MTFR1: variants seen among roughly 807,000 people sequenced by gnomAD.
The protein encoded by MTFR1 is chondrocyte protein with a poly-proline region.
MTFR1 carries 28 observed loss-of-function variants against 38.8 expected under a neutral mutation model. That is an observed-to-expected ratio of 0.72 (90% CI 0.53 to 0.99). MTFR1 has a LOEUF of 0.99. MTFR1 is among the 50% of genes least tolerant of loss of function. MTFR1 has a pLI of 0.00. For missense variants in MTFR1, 358 were observed against 395.5 expected, an observed-to-expected ratio of 0.91 and a Z score of 0.81; for synonymous variants, 145 against 137.0, an observed-to-expected ratio of 1.06 and a Z score of -0.41.
At chr8:65,644,241 T>A (rs1808887439), upstream of MTFR1, among the ~76,000 whole-genome samples, 1 of 152,132 alleles carries the variant, frequency 6.6e-6, no homozygotes, top group Non-Finnish European at 1.5e-5. Flanking sequence ...GTAAAATACT[T>A]ATCCATGAGG....
chr8:65,726,760 A>G (rs903877431), intron 3 of MTFR1: 29 of 578,052 alleles, frequency 5.0e-5, no homozygotes, highest in Non-Finnish European at 8.2e-5. Context: ...AATTTGACAA[A>G]CACTGAAAAC....
At chr8:65,763,764 G>A (rs538066084) in intron 3 of MTFR1, among the ~76,000 whole-genome samples, 29 of 152,158 alleles carry the variant, frequency 1.9e-4, no homozygotes, top group Admixed American at 5.2e-4. Context: ...AGTACACAAA[G>A]TCTTAATGCA....
chr8:65,717,078 T>TA (rs1806171249), intron 2 of MTFR1, among the ~76,000 whole-genome samples: 2 of 152,262 alleles, frequency 1.3e-5, no homozygotes, highest in Non-Finnish European at 2.9e-5. Context: ...TTTAAAGTGA[T>TA]ACAATATTTT....
chr8:65,726,755 G>A (rs753050448), intron 3 of MTFR1: 3 of 558,956 alleles, frequency 5.4e-6, no homozygotes, highest in Non-Finnish European at 9.7e-6. Flanking sequence ...TATTAAATTT[G>A]ACAAACACTG....
intron 3 of MTFR1, among the ~76,000 whole-genome samples, chr8:65,743,282 A>G (rs572679001): frequency 6.6e-6 from 1 of 152,266 alleles, no homozygotes; most frequent in Non-Finnish European, 1.5e-5. Flanking sequence ...ATATTTCACT[A>G]CCTGTATTTT....
At chr8:65,765,467 C>A (rs1359588072) in intron 3 of MTFR1, 1 of 104,030 alleles carries the variant, frequency 9.6e-6, no homozygotes, top group Admixed American at 1.6e-4. Flanking sequence ...CCAGCCTGGG[C>A]GACAGAGCGA....
chr8:65,655,959 TATATATATACC>T (rs200192830), intron 1 of MTFR1, among the ~76,000 whole-genome samples: 16,788 of 54,452 alleles, frequency 0.31, 2,592 homozygotes, highest in African/African-American at 0.39. Flanking sequence ...AAAATATATA[TATATATATACC>T]ATATATATAT....
intron 3 of MTFR1, among the ~76,000 whole-genome samples, chr8:65,755,301 A>G (rs567526710): frequency 6.6e-6 from 1 of 152,228 alleles, no homozygotes; most frequent in Admixed American, 6.5e-5. Context: ...GATTACAGGC[A>G]TGAGCCATCA....
chr8:65,693,594 C>A, intron 3 of MTFR1, 50 bp from the exon 4 acceptor site: 1 of 1,524,784 alleles, frequency 6.6e-7, no homozygotes, highest in Non-Finnish European at 9.1e-7. Context: ...AAAAATTTAA[C>A]ATTTTGGTGC....
At chr8:65,744,208 T>TACAAA (rs140231902) in intron 3 of MTFR1, among the ~76,000 whole-genome samples, 333 of 151,598 alleles carry the variant, frequency 2.2e-3, no homozygotes, top group African/African-American at 4.6e-3. Flanking sequence ...TTAGTTGTGT[T>TACAAA]ACAAAACAAA....
rs534821740 is a variant in MTFR1, at chr8:65,665,989, T to C, written c.-80-3884T>C. ...TAACTTGTTAATACTTACCATTTAG[T>C]AGGTAGCACAACAAGGGTACAAACT... On this transcript the variant is annotated intron_variant, in intron 1 of 7. Transcript: ENST00000262146. 1.5e-3 allele frequency among the ~76,000 whole-genome samples: 222 copies of C among 152,336 alleles called. 8 individuals are homozygous for C. The South Asian group carries it at 0.045, about 31-fold the overall frequency.
At chr8:65,754,920 G>A (rs1411776627) in intron 3 of MTFR1, among the ~76,000 whole-genome samples, 2 of 150,410 alleles carry the variant, frequency 1.3e-5, no homozygotes, top group South Asian at 2.1e-4. Context: ...AGCCGAGATC[G>A]CGCCACTGCA....
rs1255027975 is a variant in MTFR1, at chr8:65,655,949, A to T, written c.-81+11165A>T. 8.1e-3 allele frequency among the ~76,000 whole-genome samples: 128 copies of T among 15,712 alleles called. 2 individuals are homozygous for T. The highest frequency in any genetic ancestry group is 0.027 in the African/African-American group (39 of 1,434). 10.3% of individuals were successfully genotyped at this position (15,712 alleles called of 152,430 possible). A position where few individuals can be genotyped will look rare whatever the true frequency, so the allele number is the denominator to read the frequency against. On this transcript the variant is annotated intron_variant, in intron 1 of 7. Transcript: ENST00000262146. ...AGAGCAAGACTCTGTCTTAAAAAAA[A>T]AAATATATATATATATATACCATAT... is the stretch of plus-strand genomic sequence containing the variant.
intron 4 of MTFR1, among the ~76,000 whole-genome samples, chr8:65,699,460 A>C (rs1805546627): frequency 6.6e-6 from 1 of 152,246 alleles, no homozygotes; most frequent in African/African-American, 2.4e-5. Flanking sequence ...TCCCACCAGC[A>C]GGGTATAAGT....
Position 65,661,616 on chromosome 8 carries a change from G to A in MTFR1, c.-80-8257G>A, listed in dbSNP as rs145160439. ...TGCACTTCAGCCTGGGTGACAGAGC[G>A]AGACTCTGTCTCAAAAATAAATACA... On this transcript the variant is annotated intron_variant, in intron 1 of 7. Coordinates refer to ENST00000262146, the MANE Select transcript of MTFR1 (RefSeq NM_014637.4). Among the ~76,000 whole-genome samples, 60 of 152,120 alleles carry A rather than the reference G, an allele frequency of 3.9e-4. 1 individual carries two copies. The East Asian group carries it at 8.1e-3, about 21-fold the overall frequency.
intron 1 of MTFR1, among the ~76,000 whole-genome samples, chr8:65,664,114 C>G (rs188844612): frequency 2.0e-5 from 3 of 152,082 alleles, no homozygotes; most frequent in Non-Finnish European, 4.4e-5. Flanking sequence ...TTGCACCCGG[C>G]CATGTTAGGC....
At chr8:65,702,899 G>C (rs1330644597) in intron 4 of MTFR1, among the ~76,000 whole-genome samples, 1 of 152,114 alleles carries the variant, frequency 6.6e-6, no homozygotes, top group Non-Finnish European at 1.5e-5. Flanking sequence ...AAGGAAAAAA[G>C]AGAGCTAGAT....
chr8:65,686,034 G>A (rs148263128), intron 3 of MTFR1, among the ~76,000 whole-genome samples: 44 of 152,342 alleles, frequency 2.9e-4, no homozygotes, highest in Middle Eastern at 3.4e-3. Context: ...AGTGGGAGAC[G>A]TAGTAGTATG....
intron 1 of MTFR1, among the ~76,000 whole-genome samples, chr8:65,663,931 G>A (rs1200191298): frequency 6.7e-6 from 1 of 148,884 alleles, no homozygotes; most frequent in Non-Finnish European, 1.5e-5. Flanking sequence ...GGGCTCAGAC[G>A]ATTCTCCTGG....
Sources: allele counts gnomAD v4.1 joint callset (sites outside exome capture counted in the v4.1 genomes callset), GRCh38; gene constraint gnomAD v4.1.1; transcripts MANE v1.5; gene names NCBI Gene and HGNC (gene_info 2026-07-23, HGNC 2026-07-21).